The following TBX4 variants were observed in gnomAD, a reference collection of about 807,000 sequenced individuals.
TBX4 encodes the protein T-box transcription factor TBX4.
In TBX4, 13 loss-of-function variants were observed where a neutral mutation model predicts 54.6. The ratio of observed to expected loss-of-function variants is 0.24; its 90% CI spans 0.15 to 0.38. TBX4 has a LOEUF of 0.38. Among genes scored for constraint, TBX4 ranks in the 10% least tolerant of loss-of-function variants. The probability of loss-of-function intolerance (pLI) is 1.00; values close to 1 mark genes in which losing one functional copy is unlikely to be tolerated. For synonymous variants in TBX4, 314 were observed against 306.7 expected (o/e 1.02, Z -0.25); for missense variants, 631 against 728.5 (o/e 0.87, Z 1.54).
chr17:61,480,694 G>T lies in TBX4; in HGVS notation c.1021+375G>T, dbSNP rs2060657733. Reference sequence around the variant, plus strand: ...CCCAGTCCAGAGGTTTTGGGATTGGGGCTGTTGTTTGTCAAAGCAACCTCA... The same window carrying T: ...CCCAGTCCAGAGGTTTTGGGATTGGTGCTGTTGTTTGTCAAAGCAACCTCA... On this transcript the variant is annotated intron_variant, in intron 8 of 8. Coordinates refer to ENST00000644296, the MANE Select transcript of TBX4 (RefSeq NM_001321120.2). The surrounding 1 kb of genome is among the most constrained non-coding windows in gnomAD (Gnocchi z 6.2). 1.4e-5 allele frequency among the ~76,000 whole-genome samples: 2 copies of T among 142,922 alleles called. No individual in the cohort carries two copies. The highest frequency in any genetic ancestry group is 5.9e-5 in the African/African-American group (2 of 33,958). The allele number at this position is 142,922 out of a possible 152,430, so 93.8% of individuals were successfully genotyped here.
Position 61,473,375 on chromosome 17 carries a change from G to A in TBX4, c.550-5252G>A, listed in dbSNP as rs376284346. Among the ~76,000 whole-genome samples, 50 of 152,316 alleles carry A rather than the reference G, an allele frequency of 3.3e-4. 1 individual carries two copies. Among genetic ancestry groups the A allele is most frequent in the East Asian group, 2.3e-3 (12 of 5,188 alleles). On this transcript the variant is annotated intron_variant, in intron 5 of 8. Transcript: ENST00000644296. ...TGTGACATCCTAGTGCCTAGCCACC[G>A]TGTCTGGCAAGCCAGCGGGTGCTGG...
chr17:61,470,875 T>C (rs2060572310), intron 5 of TBX4, among the ~76,000 whole-genome samples: 1 of 152,228 alleles, frequency 6.6e-6, no homozygotes, highest in Non-Finnish European at 1.5e-5. Flanking sequence ...CTTCCTCTTC[T>C]CCTCTTCTGA....
chr17:61,468,204 CAT>C (rs773491843), intron 5 of TBX4, among the ~76,000 whole-genome samples: 1 of 152,252 alleles, frequency 6.6e-6, no homozygotes. Flanking sequence ...CTCTGGCTCA[CAT>C]GTTAGCTCCT....
chr17:61,456,633 C>A lies in TBX4; in HGVS notation c.143C>A (p.Pro48Gln). ...AGCGGAGCCGCGCTAGGCAGCCCCC[C>A]GGGACCCGGGGCCGACGTCGTCGCC... is the stretch of plus-strand genomic sequence containing the variant. Reference protein sequence around the residue: ...GLSGAALGSPPGPGADVVAAA... With the variant: ...GLSGAALGSPQGPGADVVAAA... The change falls in exon 2 of 9, where the codon CCG (proline) becomes CAG (glutamine). Residue 48 changes from proline (P) to glutamine (Q), a missense_variant. Pro to Gln is a moderately conservative substitution (Grantham distance 76). Transcript: ENST00000644296. 1 of 1,360,854 alleles carries A rather than the reference C, an allele frequency of 7.3e-7. No individual in the cohort carries two copies. Among genetic ancestry groups the A allele is most frequent in the South Asian group, 1.9e-5 (1 of 51,674 alleles). 84.3% of individuals were successfully genotyped at this position (1,360,854 alleles called of 1,614,324 possible). A position where few individuals can be genotyped will look rare whatever the true frequency, so the allele number is the denominator to read the frequency against.
intron 1 of TBX4, among the ~76,000 whole-genome samples, chr17:61,455,896 G>C (rs2060444514): frequency 6.6e-6 from 1 of 152,204 alleles, no homozygotes; most frequent in Non-Finnish European, 1.5e-5. Context: ...GTGTTGGAGT[G>C]AAAGCCTTTG....
At chr17:61,482,293 T>G (rs1424433801) in intron 8 of TBX4, among the ~76,000 whole-genome samples, 1 of 152,248 alleles carries the variant, frequency 6.6e-6, no homozygotes, top group Non-Finnish European at 1.5e-5. Context: ...ATCAGTTCTA[T>G]TTCTTAATTT....
chr17:61,458,138 C>A (rs1371964079), intron 3 of TBX4, among the ~76,000 whole-genome samples: 4 of 151,876 alleles, frequency 2.6e-5, no homozygotes, highest in Non-Finnish European at 5.9e-5. Context: ...CTCTGGCCAA[C>A]GGGAAAGCAC....
intron 5 of TBX4, 75 bp downstream of exon 5, chr17:61,467,732 A>T: frequency 6.3e-7 from 1 of 1,581,490 alleles, no homozygotes; most frequent in East Asian, 2.2e-5. Context: ...CAGGATGGGG[A>T]TAGGGAGAAT....
rs965171657 is a variant in TBX4 at position 61,472,743 on chromosome 17, G to T, written c.549+5086G>T. Among the ~76,000 whole-genome samples, 1 of 150,886 alleles carries T rather than the reference G, an allele frequency of 6.6e-6. No homozygotes were observed. The highest frequency in any genetic ancestry group is 1.5e-5 in the Non-Finnish European group (1 of 67,858). ...GATTTATTTTTACATTTAAACCATT[G>T]ATCCTTTTGAAATTTATCCTGGCAT... On this transcript the variant is annotated intron_variant, in intron 5 of 8. Transcript: ENST00000644296. This position sits in a 1 kb window ranked among gnomAD's most constrained non-coding sequence, Gnocchi z 4.5.
chr17:61,456,399 A>G, intron 1 of TBX4, 89 bp from the exon 2 acceptor site: 1 of 1,516,286 alleles, frequency 6.6e-7, no homozygotes. Context: ...CGCGCCCCGC[A>G]CGAAGTCCCG....
rs2060662784 is a variant in TBX4 at position 61,481,485 on chromosome 17, C to G, written c.1021+1166C>G. ...GTAGGCCACCTGCCAGGATCAAGAG[C>G]TTAGCTCAGGGAGAAGAGAGGGATT... On this transcript the variant is annotated intron_variant, in intron 8 of 8. Transcript: ENST00000644296. This position sits in a 1 kb window ranked among gnomAD's most constrained non-coding sequence, Gnocchi z 4.8. 1 of 152,344 alleles carries G rather than the reference C, an allele frequency of 6.6e-6. No individual in the cohort carries two copies. The highest frequency in any genetic ancestry group is 2.4e-5 in the African/African-American group (1 of 41,444). 9.4% of individuals were successfully genotyped at this position (152,344 alleles called of 1,614,324 possible).
Position 61,457,737 on chromosome 17 carries a change from C to A in TBX4, c.281+106C>A. ...CCCCGGCCTGGTGGCCTGTGGGAGG[C>A]CTCTCTGCCTCCTCGGGCGTCAGTG... On this transcript the variant is annotated intron_variant, in intron 3 of 8. Transcript: ENST00000644296. This position sits in a 1 kb window ranked among gnomAD's most constrained non-coding sequence, Gnocchi z 8.2. The A allele has an allele frequency of 9.4e-7, 1 of 1,063,458 alleles. No homozygotes were observed. Among genetic ancestry groups the A allele is most frequent in the Non-Finnish European group, 1.4e-6 (1 of 712,442 alleles). 65.9% of individuals were successfully genotyped at this position (1,063,458 alleles called of 1,614,324 possible). A position where few individuals can be genotyped will look rare whatever the true frequency, so the allele number is the denominator to read the frequency against.
In TBX4 at chr17:61,474,357, G is replaced by T. The variant is rs1266223997; in HGVS notation, c.550-4270G>T. On this transcript the variant is annotated intron_variant, in intron 5 of 8. Transcript: ENST00000644296. The surrounding 1 kb of genome is among the most constrained non-coding windows in gnomAD (Gnocchi z 4.6). ...GAGAGCAGTGTGTGCTCTCTCACAG[G>T]CCATCTGGATCCTGCTCCAGACTGT... is the stretch of plus-strand genomic sequence containing the variant. Among the ~76,000 whole-genome samples the T allele has an allele frequency of 6.6e-6, 1 of 152,136 alleles. No individual in the cohort carries two copies. The highest frequency in any genetic ancestry group is 1.5e-5 in the Non-Finnish European group (1 of 68,018).
At position 61,461,504 on chromosome 17, in the gene TBX4, C is replaced by T. The variant is rs916220706; in HGVS notation, c.281+3873C>T. The stretch of plus-strand genomic sequence containing the variant: ...GAGAAACAAAGGGTTTTAAGGGGAC[C>T]CCTGCCATTTCACTGCTGTAGGGTT... On this transcript the variant is annotated intron_variant, in intron 3 of 8. Coordinates refer to ENST00000644296, the MANE Select transcript of TBX4 (RefSeq NM_001321120.2). The surrounding 1 kb of genome is among the most constrained non-coding windows in gnomAD (Gnocchi z 5.1). Among the ~76,000 whole-genome samples, 21 of 152,094 alleles carry T rather than the reference C, an allele frequency of 1.4e-4. No homozygotes were observed. Among genetic ancestry groups the T allele is most frequent in the African/African-American group, 4.8e-4 (20 of 41,420 alleles).
At position 61,483,283 on chromosome 17, in the gene TBX4, G is replaced by A. The variant is rs1214701011; in HGVS notation, c.1408G>A (p.Ala470Thr). 1 of 1,614,052 alleles carries A rather than the reference G, an allele frequency of 6.2e-7. No individual in the cohort carries two copies. Among genetic ancestry groups the A allele is most frequent in the South Asian group, 1.1e-5 (1 of 91,064 alleles). Residue 470 changes from alanine to threonine, a missense_variant, in exon 9 of 9, where the codon GCC becomes ACC. This residue lies in a region of TBX4 where 354 missense variants were observed against 368.9 expected (regional missense o/e 0.96). Coordinates refer to ENST00000644296, the MANE Select transcript of TBX4 (RefSeq NM_001321120.2). This position sits in a 1 kb window ranked among gnomAD's most constrained non-coding sequence, Gnocchi z 6.6. ...SAQSSQPPGN[A>T]HFSVYNQLSQ... is the part of the protein sequence containing the mutation. ...TCAGAGCTCCCAGCCACCAGGAAATGCCCACTTTAGTGTCTACAATCAGCT... is the reference window on the plus strand; with the variant it reads ...TCAGAGCTCCCAGCCACCAGGAAATACCCACTTTAGTGTCTACAATCAGCT...
At chr17:61,470,060 C>A (rs1458069820) in intron 5 of TBX4, among the ~76,000 whole-genome samples, 1 of 151,846 alleles carries the variant, frequency 6.6e-6, no homozygotes, top group Non-Finnish European at 1.5e-5. Flanking sequence ...TGGCAGCCCT[C>A]ACCCCCAACT....
Position 61,460,343 on chromosome 17 carries a change from T to A in TBX4, c.281+2712T>A, listed in dbSNP as rs2060485952. 6.6e-6 allele frequency: 1 copy of A among 152,228 alleles called. No homozygotes were observed. Among genetic ancestry groups the A allele is most frequent in the Admixed American group, 6.5e-5 (1 of 15,280 alleles). 9.4% of individuals were successfully genotyped at this position (152,228 alleles called of 1,614,324 possible). On this transcript the variant is annotated intron_variant, in intron 3 of 8. Transcript: ENST00000644296. The surrounding 1 kb of genome is among the most constrained non-coding windows in gnomAD (Gnocchi z 4.4). ...GCCCTGGAAAAGGGGAGCCAGAATG[T>A]TCTCAAGCCAGGTTGAGTTCTCAGA...
chr17:61,467,970 G>A (rs539278611), intron 5 of TBX4, among the ~76,000 whole-genome samples: 3 of 152,356 alleles, frequency 2.0e-5, no homozygotes, highest in Non-Finnish European at 2.9e-5. Flanking sequence ...GGGTTTACCG[G>A]AAGCACTTTG....
chr17:61,483,055 A>G lies in TBX4; in HGVS notation c.1180A>G (p.Met394Val), dbSNP rs1364051353. Residue 394 changes from methionine (M) to valine (V), a missense_variant, in exon 9 of 9, where the codon ATG becomes GTG. Physicochemically the swap from Met to Val is conservative, Grantham distance 21. Transcript: ENST00000644296. The surrounding 1 kb of genome is among the most constrained non-coding windows in gnomAD (Gnocchi z 6.6). ...TGAGGTGACCCCCAGAGAAGCATGT[A>G]TGTACTCAGGTTCAGGGCCCGAGAT... ...CSEVTPREACMYSGSGPEIAG... is the reference protein window; with the variant it reads ...CSEVTPREACVYSGSGPEIAG... 1.9e-6 allele frequency: 3 copies of G among 1,613,890 alleles called. No individual in the cohort carries two copies. Among genetic ancestry groups the G allele is most frequent in the Non-Finnish European group, 2.5e-6 (3 of 1,179,986 alleles).
Sources: allele counts gnomAD v4.1 joint callset (sites outside exome capture counted in the v4.1 genomes callset), GRCh38; gene constraint gnomAD v4.1.1; regional missense constraint gnomAD v4.1.1; non-coding constraint Gnocchi (gnomAD v3.1); transcripts MANE v1.5; gene names NCBI Gene and HGNC (gene_info 2026-07-23, HGNC 2026-07-21).